Variants in ADSL observed in about 807,000 individuals in gnomAD.
ADSL encodes adenylosuccinase.
ADSL carries 44 observed loss-of-function variants against 62.1 expected under a neutral mutation model. The observed-to-expected ratio is 0.71, with a 90% CI of 0.56 to 0.91. ADSL has a LOEUF of 0.91. Among genes scored for constraint, ADSL ranks in the 40% least tolerant of loss-of-function variants. The pLI, the probability that ADSL is intolerant of heterozygous loss-of-function variation, is 0.00. For synonymous variants in ADSL, 198 were observed against 220.5 expected (o/e 0.90, Z 0.90); for missense variants, 531 against 627.4 (o/e 0.85, Z 1.64).
chr22:40,376,236 G>C (rs1170997013), intron 2 of ADSL: 1 of 131,938 alleles, frequency 7.6e-6, no homozygotes, highest in East Asian at 2.1e-4. Context: ...TACGGTAGTC[G>C]GAGCACCAAC....
rs776070877 is a variant in ADSL, at chr22:40,364,958, A to G, written c.1270A>G (p.Ile424Val). 6.2e-7 allele frequency: 1 copy of G among 1,614,206 alleles called. No individual in the cohort carries two copies. The highest frequency in any genetic ancestry group is 8.5e-7 in the Non-Finnish European group (1 of 1,180,026). Reference sequence around the variant, plus strand: ...GCAGGAAGGGGGTGACAATGACCTCATAGAGCGTATCCAGGTTGATGCCTA... The same window carrying G: ...GCAGGAAGGGGGTGACAATGACCTCGTAGAGCGTATCCAGGTTGATGCCTA... ...VKQEGGDNDL[I>V]ERIQVDAYFS... Residue 424 changes from isoleucine to valine, a missense_variant, in exon 12 of 13, where the codon ATA becomes GTA. Ile to Val is a conservative substitution (Grantham distance 29). Around this residue, in one of 2 missense-constraint regions of ADSL, gnomAD observed 471 missense variants for 592.9 expected, o/e 0.79. Transcript: ENST00000623063.
At chr22:40,383,383 C>T (rs372792013) in intron 2 of ADSL, among the ~76,000 whole-genome samples, 1 of 150,828 alleles carries the variant, frequency 6.6e-6, no homozygotes, top group Non-Finnish European at 1.5e-5. Flanking sequence ...AGGAGAATGG[C>T]GTGAACCTGG....
At chr22:40,349,694 G>C (rs1193101208) in intron 1 of ADSL, 138 bp from the exon 2 acceptor site, 2 of 791,424 alleles carry the variant, frequency 2.5e-6, no homozygotes, top group African/African-American at 1.7e-5. Context: ...CTTTCAACTT[G>C]GTTGCCTCAA....
Position 40,366,571 on chromosome 22 carries a change from A to G in ADSL, c.*49A>G. The G allele has an allele frequency of 2.2e-6, 3 of 1,377,468 alleles. No homozygotes were observed. The highest frequency in any genetic ancestry group is 2.3e-5 in the South Asian group (2 of 85,990). The allele number at this position is 1,377,468 out of a possible 1,614,324, so 85.3% of individuals were successfully genotyped here. On this transcript the variant is annotated 3_prime_UTR_variant, in exon 13 of 13. Transcript: ENST00000623063. ...ATCATTGTTAATTGCTGAGGCATGA[A>G]AATTGTGTTACTATAATGCCTTATT...
At chr22:40,360,306 C>T (rs1179363986) in intron 6 of ADSL, 96 bp from the exon 7 acceptor site, 13 of 1,004,202 alleles carry the variant, frequency 1.3e-5, no homozygotes, top group Non-Finnish European at 2.1e-5. Context: ...AGCAGTCCTC[C>T]TCCGTTAGCC....
chr22:40,364,407 G>T (rs184642800), intron 11 of ADSL, 42 bp downstream of exon 11: 1 of 1,539,424 alleles, frequency 6.5e-7, no homozygotes, highest in African/African-American at 1.4e-5. Context: ...GAGAGTGCAC[G>T]TTTGGTCCTG....
At position 40,362,190 on chromosome 22, in the gene ADSL, G is replaced by A. The variant is rs533912113; in HGVS notation, c.1010+555G>A. 1.9e-4 allele frequency among the ~76,000 whole-genome samples: 29 copies of A among 152,238 alleles called. 2 individuals are homozygous for A. The South Asian group carries it at 3.5e-3, about 18-fold the overall frequency. ...AACTACTGTTGAGGTGCCAACATGC[G>A]CATCATTTTCTGTTTTATGTATATA... is the stretch of plus-strand genomic sequence containing the variant. On this transcript the variant is annotated intron_variant, in intron 9 of 12. Coordinates refer to ENST00000623063, the MANE Select transcript of ADSL (RefSeq NM_000026.4).
intron 3 of ADSL, 88 bp downstream of exon 3, chr22:40,353,205 A>T: frequency 9.7e-7 from 1 of 1,026,952 alleles, no homozygotes; most frequent in Non-Finnish European, 1.5e-6. Context: ...ACACAGTGTA[A>T]ATTTTTACAT....
chr22:40,357,540 A>C (rs549255730), intron 4 of ADSL, among the ~76,000 whole-genome samples: 1 of 152,268 alleles, frequency 6.6e-6, no homozygotes, highest in South Asian at 2.1e-4. Context: ...GGCATGAGCC[A>C]TGGCACCCTA....
chr22:40,376,407 A>C (rs2046606436), intron 2 of ADSL: 1 of 151,684 alleles, frequency 6.6e-6, no homozygotes, highest in South Asian at 2.1e-4. Flanking sequence ...TCCTGCTTTA[A>C]TCTCATGAGT....
chr22:40,348,501 A>G, intron 1 of ADSL: 1 of 398,656 alleles, frequency 2.5e-6, no homozygotes, highest in Admixed American at 4.4e-5. Flanking sequence ...CTCTCACCTC[A>G]GCCTCCCAAG....
At chr22:40,347,878 G>C (rs921034468) in intron 1 of ADSL, among the ~76,000 whole-genome samples, 47 of 152,342 alleles carry the variant, frequency 3.1e-4, no homozygotes, top group African/African-American at 1.0e-3. Flanking sequence ...CCTTAATCAT[G>C]TGTTGTGGTT....
chr22:40,363,117 A>G (rs770644090), intron 10 of ADSL, 46 bp downstream of exon 10: 19 of 1,562,858 alleles, frequency 1.2e-5, no homozygotes, highest in Non-Finnish European at 9.7e-6. Flanking sequence ...AGGGGTTAGA[A>G]TGTGGGAGGG....
At chr22:40,359,473 ATTC>A (rs2044689215) in intron 6 of ADSL, among the ~76,000 whole-genome samples, 167 bp downstream of exon 6, 1 of 51,866 alleles carries the variant, frequency 1.9e-5, no homozygotes, top group Non-Finnish European at 3.9e-5. Context: ...TACTATCTGG[ATTC>A]TTTTTTTTTT....
chr22:40,361,111 G>C, intron 7 of ADSL, 162 bp from the exon 8 acceptor site: 1 of 761,646 alleles, frequency 1.3e-6, no homozygotes, highest in Non-Finnish European at 2.4e-6. Context: ...GAGAGGAGTC[G>C]GAGTAAGATA....
At chr22:40,356,460 C>T (rs938123630) in intron 4 of ADSL, among the ~76,000 whole-genome samples, 12 of 143,714 alleles carry the variant, frequency 8.3e-5, no homozygotes, top group Admixed American at 7.0e-4. Context: ...ACTTGAACCC[C>T]GGAGGCAGAG....
intron 2 of ADSL, among the ~76,000 whole-genome samples, chr22:40,375,088 C>T (rs903672896): frequency 6.6e-6 from 1 of 152,202 alleles, no homozygotes; most frequent in African/African-American, 2.4e-5. Flanking sequence ...CACCTCTTTT[C>T]AGTAGGCACA....
At chr22:40,356,211 AAAG>A (rs200626272) in intron 4 of ADSL, among the ~76,000 whole-genome samples, 1,782 of 150,394 alleles carry the variant, frequency 0.012, 35 homozygotes, top group African/African-American at 0.042. Context: ...CAAAAAAAAA[AAAG>A]AAAAGAAAGA....
intron 12 of ADSL, 59 bp from the exon 13 acceptor site, chr22:40,366,377 G>C: frequency 4.0e-6 from 5 of 1,240,302 alleles, no homozygotes; most frequent in Non-Finnish European, 5.9e-6. Context: ...ATTGGAAAAG[G>C]TATTATCTGC....
Sources: allele counts gnomAD v4.1 joint callset (sites outside exome capture counted in the v4.1 genomes callset), GRCh38; gene constraint gnomAD v4.1.1; regional missense constraint gnomAD v4.1.1; transcripts MANE v1.5; gene names NCBI Gene and HGNC (gene_info 2026-07-23, HGNC 2026-07-21).